Variants in FBN3 observed in about 807,000 individuals in gnomAD.
FBN3 encodes fibrillin-3.
FBN3 carries 234 observed loss-of-function variants against 330.1 expected under a neutral mutation model. The ratio of observed to expected loss-of-function variants is 0.71; its 90% CI spans 0.64 to 0.79. The LOEUF (loss-of-function observed/expected upper bound fraction) is 0.79. FBN3 is among the 30% of genes least tolerant of loss of function. FBN3 has a pLI of 0.00. For synonymous variants in FBN3, 1,458 were observed against 1,517.3 expected, an observed-to-expected ratio of 0.96 and a Z score of 0.91; for missense variants, 3,606 against 3,886.9, an observed-to-expected ratio of 0.93 and a Z score of 1.92.
rs757402144 is a variant in FBN3 at position 8,111,986 on chromosome 19, C to T, written c.3952G>A (p.Glu1318Lys). Residue 1318 changes from glutamate (E) to lysine (K), a missense_variant, in exon 31 of 64, where the codon GAA becomes AAA. Coordinates refer to ENST00000600128, the MANE Select transcript of FBN3 (RefSeq NM_032447.5). ...CLPGWVGDGF[E>K]CHDLDECVSQ... Reference sequence around the variant, plus strand: ...GCCCCCAGGTACTCACCGTGACATTCGAAGCCATCCCCCACCCAGCCTGGC... The same window carrying T: ...GCCCCCAGGTACTCACCGTGACATTTGAAGCCATCCCCCACCCAGCCTGGC... The T allele has an allele frequency of 8.1e-5, 129 of 1,583,392 alleles. No homozygotes were observed. The highest frequency in any genetic ancestry group is 1.1e-4 in the Non-Finnish European group (122 of 1,160,868).
intron 18 of FBN3, 124 bp from the exon 19 acceptor site, chr19:8,126,956 T>C: frequency 1.9e-6 from 2 of 1,073,804 alleles, no homozygotes; most frequent in Non-Finnish European, 2.6e-6. Context: ...TGCACAAGCA[T>C]GCAGAGGGCA....
chr19:8,086,538 C>T (rs890246689), intron 54 of FBN3, among the ~76,000 whole-genome samples: 3 of 150,774 alleles, frequency 2.0e-5, no homozygotes, highest in Non-Finnish European at 4.4e-5. Context: ...GTCACTACAA[C>T]GTCCACCTCC....
intron 54 of FBN3, among the ~76,000 whole-genome samples, 181 bp from the exon 55 acceptor site, chr19:8,086,506 G>T (rs2081965023): frequency 6.6e-6 from 1 of 150,648 alleles, no homozygotes; most frequent in African/African-American, 2.4e-5. Context: ...TCCCAGGCTG[G>T]AGTGCAATTG....
chr19:8,106,827 G>A (rs1339482255), intron 37 of FBN3, among the ~76,000 whole-genome samples: 3 of 151,756 alleles, frequency 2.0e-5, no homozygotes, highest in East Asian at 1.9e-4. Context: ...AGTAGGGAAC[G>A]GGTGGATGGG....
Position 8,087,204 on chromosome 19 carries a change from G to A in FBN3, c.6627C>T (p.Asp2209=), listed in dbSNP as rs145531691. 13 of 1,593,022 alleles carry A rather than the reference G, an allele frequency of 8.2e-6. No individual in the cohort carries two copies. The highest frequency in any genetic ancestry group is 5.4e-5 in the African/African-American group (4 of 74,286). ...REDGAMCRDV[D]ECADGQQDCH... ...AGTCCTGCTGACCATCTGCACACTC[G>A]TCCACATCTTCGGATGACCAGAGAC... is the stretch of plus-strand genomic sequence containing the variant. The change falls in exon 54 of 64, where the codon GAC becomes GAT. Residue 2209 remains aspartate (D), a synonymous_variant. Transcript: ENST00000600128.
chr19:8,096,050 C>A lies in FBN3; in HGVS notation c.5570G>T (p.Gly1857Val). The A allele has an allele frequency of 6.2e-7, 1 of 1,614,048 alleles. No individual in the cohort carries two copies. The highest frequency in any genetic ancestry group is 8.5e-7 in the Non-Finnish European group (1 of 1,179,930). ...DIDECDRQPC[G>V]NGTCKNIIGS... ...AATGATGTTCTTGCAGGTCCCATTT[C>A]CACAAGGCTGCCGGTCACACTCGTC... The change falls in exon 45 of 64, where the codon GGA becomes GTA. Residue 1857 changes from glycine (G) to valine (V), a missense_variant. Transcript: ENST00000600128. This position sits in a 1 kb window ranked among gnomAD's most constrained non-coding sequence, Gnocchi z 4.6.
chr19:8,084,504 T>G (rs2081889317), intron 56 of FBN3, among the ~76,000 whole-genome samples: 1 of 151,906 alleles, frequency 6.6e-6, no homozygotes, highest in Non-Finnish European at 1.5e-5. Flanking sequence ...AAACCTCATC[T>G]TTACTGGCCA....
intron 48 of FBN3, among the ~76,000 whole-genome samples, chr19:8,090,700 T>C (rs1331818285): frequency 6.6e-6 from 1 of 151,876 alleles, no homozygotes; most frequent in Non-Finnish European, 1.5e-5. Context: ...GCTAGGCTGG[T>C]CTCAAACTCC....
chr19:8,122,906 G>A (rs1599394320), intron 24 of FBN3, among the ~76,000 whole-genome samples: 1 of 144,942 alleles, frequency 6.9e-6, no homozygotes, highest in South Asian at 2.2e-4. Flanking sequence ...ATCGTGATCC[G>A]CCCGCCTCAG....
Position 8,123,886 on chromosome 19 carries a change from C to A in FBN3, c.2854G>T (p.Glu952Ter). 2 of 1,613,764 alleles carry A rather than the reference C, an allele frequency of 1.2e-6. No individual in the cohort carries two copies. The highest frequency in any genetic ancestry group is 1.7e-6 in the Non-Finnish European group (2 of 1,180,024). The change falls in exon 23 of 64, where the codon GAG (glutamate) becomes TAG (stop). Residue 952 changes from glutamate (E) to a stop codon, truncating the protein, a stop_gained. Transcript: ENST00000600128. LOFTEE classifies it high-confidence loss of function. ...SIGAVWGVEC[E>*]ACPDPESLEF... ...AGAGACTCGGGATCCGGGCAGGCCTCGCACTCGACTCCCCACACGGCCCCG... is the reference window on the plus strand; with the variant it reads ...AGAGACTCGGGATCCGGGCAGGCCTAGCACTCGACTCCCCACACGGCCCCG...
At position 8,087,931 on chromosome 19, in the gene FBN3, G is replaced by A. The variant is rs2082004675; in HGVS notation, c.6513C>T (p.Ser2171=). 2 of 1,614,128 alleles carry A rather than the reference G, an allele frequency of 1.2e-6. No homozygotes were observed. Among genetic ancestry groups the A allele is most frequent in the Non-Finnish European group, 1.7e-6 (2 of 1,180,012 alleles). The change falls in exon 53 of 64, where the codon TCC becomes TCT. Residue 2171 remains serine (S), a synonymous_variant. Coordinates refer to ENST00000600128, the MANE Select transcript of FBN3 (RefSeq NM_032447.5). ...GGAAGGCACAGAGCAGCGGGTTCAGGGAGCATTCGTCGATGTCTGGGGAGG... is the reference window on the plus strand; with the variant it reads ...GGAAGGCACAGAGCAGCGGGTTCAGAGAGCATTCGTCGATGTCTGGGGAGG... ...MMTCEDIDEC[S]LNPLLCAFRC...
At position 8,066,184 on chromosome 19, in the gene FBN3, C is replaced by A. The variant is rs545168335; in HGVS notation, c.8165G>T (p.Arg2722Leu). The change falls in exon 64 of 64, where the codon CGC becomes CTC. Residue 2722 changes from arginine to leucine, a missense_variant. By Grantham distance (102) the Arg-to-Leu change is moderately radical. Coordinates refer to ENST00000600128, the MANE Select transcript of FBN3 (RefSeq NM_032447.5). ...CAGGGCCGGCCGGAGCTCCAGGATG[C>A]GCTCGGCCCGGCCCAGGTGTGAGAG... The part of the protein sequence containing the change: ...LNLSHLGRAE[R>L]ILELRPALEG... The A allele has an allele frequency of 6.2e-7, 1 of 1,611,724 alleles. No homozygotes were observed. Among genetic ancestry groups the A allele is most frequent in the Admixed American group, 1.7e-5 (1 of 59,860 alleles).
At chr19:8,095,888 TG>T in intron 45 of FBN3, 75 bp downstream of exon 45, 1 of 908,670 alleles carries the variant, frequency 1.1e-6, no homozygotes, top group Non-Finnish European at 1.8e-6. Context: ...CATCTTTCTG[TG>T]GCCAATTTCT....
At chr19:8,143,744 C>T (rs141197603) in intron 6 of FBN3, among the ~76,000 whole-genome samples, 1,531 of 151,658 alleles carry the variant, frequency 0.01, 28 homozygotes, top group African/African-American at 0.035. Flanking sequence ...CTGCCCGCCT[C>T]GGCCTCCCAA....
intron 47 of FBN3, among the ~76,000 whole-genome samples, chr19:8,091,875 C>T (rs1157211714): frequency 2.6e-5 from 4 of 152,068 alleles, no homozygotes; most frequent in Admixed American, 1.3e-4. Flanking sequence ...AACAGTGTGG[C>T]GATTCCTTAA....
intron 50 of FBN3, 86 bp downstream of exon 50, chr19:8,089,808 G>C: frequency 6.5e-7 from 1 of 1,531,486 alleles, no homozygotes; most frequent in Non-Finnish European, 8.8e-7. Context: ...CTCTCAGGGG[G>C]AGCCTGAAAC....
intron 3 of FBN3, 71 bp from the exon 4 acceptor site, chr19:8,146,296 G>C: frequency 1.5e-6 from 2 of 1,340,612 alleles, no homozygotes; most frequent in Non-Finnish European, 1.0e-6. Flanking sequence ...ATTGGTGTCC[G>C]GGCTGGCCGG....
intron 63 of FBN3, among the ~76,000 whole-genome samples, chr19:8,069,968 G>A (rs1194233535): frequency 6.6e-6 from 1 of 152,168 alleles, no homozygotes; most frequent in African/African-American, 2.4e-5. Flanking sequence ...GCCCTTCTCT[G>A]TCTTGATCTA....
rs374133420 is a variant in FBN3, at chr19:8,081,041, C to T, written c.7415G>A (p.Cys2472Tyr). Reference protein sequence around the residue: ...VNTVGAFTCRCPPGFTQHHQA... With the variant: ...VNTVGAFTCRYPPGFTQHHQA... ...GTGGTGCTGGGTGAAGCCGGGCGGA[C>T]AGCGGCAGGTGAAGGCGCCCACAGT... is the stretch of plus-strand genomic sequence containing the variant. Residue 2472 changes from cysteine to tyrosine, a missense_variant, in exon 59 of 64, where the codon TGT becomes TAT. Transcript: ENST00000600128. The T allele has an allele frequency of 1.1e-5, 17 of 1,613,286 alleles. No homozygotes were observed. The African/African-American group carries it at 2.1e-4, about 20-fold the overall frequency.
Sources: gnomAD v4.1 joint callset for allele counts (sites outside exome capture counted in the v4.1 genomes callset) on GRCh38, gnomAD v4.1.1 for gene constraint, Gnocchi (gnomAD v3.1) non-coding constraint, MANE v1.5 for transcripts, NCBI Gene and HGNC (gene_info 2026-07-23, HGNC 2026-07-21) for gene names.